The following ABCG1 variants were observed in gnomAD, a reference collection of about 807,000 sequenced individuals.
ABCG1 encodes the protein ATP binding cassette subfamily G member 1.
In ABCG1, 29 loss-of-function variants were observed where a neutral mutation model predicts 69.2. That is an observed-to-expected ratio of 0.42 (90% CI 0.31 to 0.57). ABCG1 has a LOEUF of 0.57. Ranked by LOEUF, ABCG1 falls within the 20% of genes least tolerant of loss-of-function variation. The pLI is 0.15. For synonymous variants in ABCG1, 370 were observed against 374.8 expected (o/e 0.99, Z 0.15); for missense variants, 718 against 898.1 (o/e 0.80, Z 2.56).
At chr21:42,251,083 T>C (rs1352583668) in intron 2 of ABCG1, among the ~76,000 whole-genome samples, 1 of 152,118 alleles carries the variant, frequency 6.6e-6, no homozygotes, top group East Asian at 1.9e-4. Flanking sequence ...CACTATCTCC[T>C]CTGGAATACA....
At chr21:42,292,575 A>G (rs779639392) in intron 13 of ABCG1, among the ~76,000 whole-genome samples, 2 of 151,794 alleles carry the variant, frequency 1.3e-5, no homozygotes, top group Non-Finnish European at 2.9e-5. Context: ...GCACACATGC[A>G]CACACACACT....
At chr21:42,289,325 A>C (rs1176472070) in intron 10 of ABCG1, among the ~76,000 whole-genome samples, 1 of 152,132 alleles carries the variant, frequency 6.6e-6, no homozygotes, top group Non-Finnish European at 1.5e-5. Flanking sequence ...TCAAAGGAAA[A>C]GTGCAAGAGA....
At chr21:42,262,235 A>T (rs1319301383) in intron 2 of ABCG1, among the ~76,000 whole-genome samples, 1 of 152,172 alleles carries the variant, frequency 6.6e-6, no homozygotes, top group African/African-American at 2.4e-5. Flanking sequence ...TCCTTCATGT[A>T]AACAGGGCTT....
chr21:42,261,464 A>G lies in ABCG1; in HGVS notation c.287-9606A>G, dbSNP rs534378301. On this transcript the variant is annotated intron_variant, in intron 2 of 14. Transcript: ENST00000398449. The stretch of plus-strand genomic sequence containing the variant: ...GAGAAAACAGACAAGCAGGATAGCA[A>G]ACTCCATCGCAGACTCCCTGGCCTG... 2.0e-5 allele frequency among the ~76,000 whole-genome samples: 3 copies of G among 152,248 alleles called. No homozygotes were observed. The East Asian group carries it at 5.8e-4, about 29-fold the overall frequency.
At chr21:42,204,559 T>C (rs1272478685) in intron 2 of ABCG1, among the ~76,000 whole-genome samples, 1 of 152,232 alleles carries the variant, frequency 6.6e-6, no homozygotes, top group African/African-American at 2.4e-5. Flanking sequence ...TTTCAACTAT[T>C]GAACCAGCCT....
chr21:42,244,062 G>A (rs1311842923), intron 2 of ABCG1, among the ~76,000 whole-genome samples: 3 of 151,894 alleles, frequency 2.0e-5, no homozygotes, highest in Non-Finnish European at 4.4e-5. Flanking sequence ...CTCGTGATCC[G>A]CCCATCTCGG....
intron 1 of ABCG1, among the ~76,000 whole-genome samples, chr21:42,200,944 A>G (rs1347291119): frequency 1.3e-5 from 2 of 151,898 alleles, no homozygotes; most frequent in East Asian, 3.9e-4. Flanking sequence ...CATTTTTCTT[A>G]CGTCCCGAGG....
At chr21:42,237,280 C>G (rs1005948606) in intron 2 of ABCG1, among the ~76,000 whole-genome samples, 2 of 152,212 alleles carry the variant, frequency 1.3e-5, no homozygotes, top group Non-Finnish European at 2.9e-5. Flanking sequence ...CTCTTGGAGC[C>G]CTTTTTCTCT....
intron 2 of ABCG1, among the ~76,000 whole-genome samples, chr21:42,227,982 A>G (rs1486404827): frequency 6.6e-6 from 1 of 152,182 alleles, no homozygotes; most frequent in East Asian, 1.9e-4. Context: ...CTCCCTTGAC[A>G]CGTGGGGATT....
chr21:42,257,256 C>T (rs1165132577), intron 2 of ABCG1, among the ~76,000 whole-genome samples: 3 of 152,198 alleles, frequency 2.0e-5, no homozygotes, highest in South Asian at 2.1e-4. Flanking sequence ...CCTTCAGAAG[C>T]GTTTCTCAAA....
At chr21:42,256,426 C>T in intron 2 of ABCG1, 3 of 1,549,404 alleles carry the variant, frequency 1.9e-6, no homozygotes, top group Non-Finnish European at 2.6e-6. Flanking sequence ...CTCACACCTT[C>T]CTGTCAGAGT....
chr21:42,229,300 A>G (rs2067866624), intron 2 of ABCG1, among the ~76,000 whole-genome samples: 1 of 152,206 alleles, frequency 6.6e-6, no homozygotes, highest in Admixed American at 6.5e-5. Context: ...TATCAAGTCC[A>G]TTGTTTTCAA....
intron 2 of ABCG1, among the ~76,000 whole-genome samples, chr21:42,262,970 C>A (rs979565612): frequency 6.6e-6 from 1 of 152,204 alleles, no homozygotes; most frequent in Non-Finnish European, 1.5e-5. Context: ...CTGCCTGTGC[C>A]TCCTTCAAGG....
At chr21:42,256,307 G>A (rs1307158101) in intron 2 of ABCG1, 1 of 1,535,028 alleles carries the variant, frequency 6.5e-7, no homozygotes, top group Non-Finnish European at 8.8e-7. Flanking sequence ...CTTTTGCCCG[G>A]AGTCTACAGA....
chr21:42,206,019 T>C (rs2067539949), intron 2 of ABCG1, among the ~76,000 whole-genome samples: 1 of 152,240 alleles, frequency 6.6e-6, no homozygotes, highest in South Asian at 2.1e-4. Context: ...GTTTTTCTTA[T>C]ATCTTCCTGT....
intron 5 of ABCG1, among the ~76,000 whole-genome samples, chr21:42,279,395 T>C (rs965154889): frequency 3.3e-5 from 5 of 152,032 alleles, no homozygotes; most frequent in African/African-American, 9.7e-5. Flanking sequence ...CGGAGAGACT[T>C]GCTAACACGG....
chr21:42,228,806 C>T (rs997221382), intron 2 of ABCG1, among the ~76,000 whole-genome samples: 3 of 152,210 alleles, frequency 2.0e-5, no homozygotes, highest in African/African-American at 7.2e-5. Flanking sequence ...CTGCAGAAGC[C>T]CTCTCTGTGC....
intron 2 of ABCG1, among the ~76,000 whole-genome samples, chr21:42,260,916 C>T (rs1025045754): frequency 6.6e-6 from 1 of 152,040 alleles, no homozygotes; most frequent in Admixed American, 6.5e-5. Flanking sequence ...CCGCCTCCCT[C>T]GTTCAAGCGA....
At chr21:42,266,644 C>T (rs1249253237) in intron 2 of ABCG1, among the ~76,000 whole-genome samples, 9 of 152,180 alleles carry the variant, frequency 5.9e-5, no homozygotes, top group Admixed American at 2.0e-4. Context: ...TGTCCTCTGG[C>T]GATGACCACA....
Sources: gnomAD v4.1 joint callset for allele counts (sites outside exome capture counted in the v4.1 genomes callset) on GRCh38, gnomAD v4.1.1 for gene constraint, MANE v1.5 for transcripts, NCBI Gene and HGNC (gene_info 2026-07-23, HGNC 2026-07-21) for gene names.